The following RANBP17 variants were observed in gnomAD, a reference collection of about 807,000 sequenced individuals.
RANBP17 encodes the protein ran-binding protein 17.
RANBP17 carries 158 observed loss-of-function variants against 141.2 expected under a neutral mutation model. That is an observed-to-expected ratio of 1.12 (90% CI 0.98 to 1.28). RANBP17 has a LOEUF of 1.28. RANBP17 is among the 50% of genes most tolerant of loss of function. The pLI, the probability that RANBP17 is intolerant of heterozygous loss-of-function variation, is 0.00. For synonymous variants in RANBP17, 430 were observed against 450.0 expected, an observed-to-expected ratio of 0.96 and a Z score of 0.56; for missense variants, 1,438 against 1,290.7, an observed-to-expected ratio of 1.11 and a Z score of -1.75.
At chr5:170,868,172 A>G (rs1767427837) in intron 1 of RANBP17, among the ~76,000 whole-genome samples, 1 of 152,222 alleles carries the variant, frequency 6.6e-6, no homozygotes, top group African/African-American at 2.4e-5. Flanking sequence ...AATAATTTGG[A>G]AGATCCTTAT....
intron 25 of RANBP17, among the ~76,000 whole-genome samples, chr5:171,268,274 A>G (rs2128023407): frequency 6.6e-6 from 1 of 152,320 alleles, no homozygotes; most frequent in African/African-American, 2.4e-5. Context: ...GGGAGGGAGT[A>G]TTGTCAAAGA....
chr5:170,909,322 A>G (rs527485249), intron 5 of RANBP17, among the ~76,000 whole-genome samples: 1 of 151,958 alleles, frequency 6.6e-6, no homozygotes, highest in East Asian at 1.9e-4. Context: ...TAGAATTTGG[A>G]GATTATCTTG....
In RANBP17 at chr5:170,978,704, A is replaced by G. The variant is rs185187076; in HGVS notation, c.1710+10327A>G. The stretch of plus-strand genomic sequence containing the variant: ...GTCAGAATGGTGGTTACCTTTGGGT[A>G]GGGAGAATATTTTGACTGGGAAAGT... On this transcript the variant is annotated intron_variant, in intron 14 of 27. Coordinates refer to ENST00000523189, the MANE Select transcript of RANBP17 (RefSeq NM_022897.5). Among the ~76,000 whole-genome samples the G allele has an allele frequency of 9.6e-4, 146 of 152,296 alleles. 2 individuals are homozygous for G. Among genetic ancestry groups the G allele is most frequent in the African/African-American group, 3.4e-3 (141 of 41,576 alleles).
At chr5:170,908,864 T>G (rs1268075159) in intron 5 of RANBP17, among the ~76,000 whole-genome samples, 1 of 151,920 alleles carries the variant, frequency 6.6e-6, no homozygotes, top group Non-Finnish European at 1.5e-5. Flanking sequence ...CTTTCAGATC[T>G]ATAAACACTA....
chr5:171,256,835 C>G (rs532587927), intron 24 of RANBP17, among the ~76,000 whole-genome samples: 1 of 151,962 alleles, frequency 6.6e-6, no homozygotes, highest in African/African-American at 2.4e-5. Context: ...TGGAAACATA[C>G]AAGGTTCTGA....
chr5:171,009,334 C>G (rs554818882), intron 14 of RANBP17, among the ~76,000 whole-genome samples: 2 of 152,296 alleles, frequency 1.3e-5, no homozygotes, highest in South Asian at 4.1e-4. Flanking sequence ...TTCTCTAAAT[C>G]ATAGCTATTA....
At chr5:171,083,840 C>T (rs991152981) in intron 14 of RANBP17, among the ~76,000 whole-genome samples, 8 of 152,164 alleles carry the variant, frequency 5.3e-5, no homozygotes, top group African/African-American at 2.4e-5. Context: ...CCTCTCTTGC[C>T]TGCTGCCATG....
chr5:171,065,668 A>G (rs1238665506), intron 14 of RANBP17, among the ~76,000 whole-genome samples: 1 of 152,102 alleles, frequency 6.6e-6, no homozygotes, highest in Non-Finnish European at 1.5e-5. Context: ...CTAGATGTTT[A>G]TATGTAATTG....
At chr5:170,972,583 A>G (rs1022321019) in intron 14 of RANBP17, among the ~76,000 whole-genome samples, 9 of 152,294 alleles carry the variant, frequency 5.9e-5, no homozygotes, top group African/African-American at 1.9e-4. Context: ...GTGTATCACT[A>G]TGCCATTATA....
At chr5:171,182,969 G>T (rs1258451772) in intron 16 of RANBP17, among the ~76,000 whole-genome samples, 198 bp from the exon 17 acceptor site, 1 of 152,020 alleles carries the variant, frequency 6.6e-6, no homozygotes, top group Non-Finnish European at 1.5e-5. Flanking sequence ...ATATGTATAA[G>T]ATAGAAAAAG....
At chr5:170,882,111 G>A (rs1161484961) in intron 3 of RANBP17, among the ~76,000 whole-genome samples, 1 of 152,094 alleles carries the variant, frequency 6.6e-6, no homozygotes, top group Non-Finnish European at 1.5e-5. Flanking sequence ...TTGAGACAGA[G>A]TCTTGCTCTG....
At chr5:170,979,275 G>T (rs1328730679) in intron 14 of RANBP17, among the ~76,000 whole-genome samples, 2 of 152,108 alleles carry the variant, frequency 1.3e-5, no homozygotes, top group Non-Finnish European at 2.9e-5. Context: ...GTGTGCATGG[G>T]TGTTTATTAA....
chr5:171,028,637 T>C (rs1363927581), intron 14 of RANBP17, among the ~76,000 whole-genome samples: 1 of 152,204 alleles, frequency 6.6e-6, no homozygotes, highest in Non-Finnish European at 1.5e-5. Flanking sequence ...GATGTCATGA[T>C]CAATTGTGGT....
At chr5:171,006,923 A>G (rs1006177990) in intron 14 of RANBP17, among the ~76,000 whole-genome samples, 4 of 152,108 alleles carry the variant, frequency 2.6e-5, no homozygotes, top group South Asian at 2.1e-4. Context: ...AAGCCCTTCA[A>G]CTAGGCAGGA....
Position 171,089,014 on chromosome 5 carries a change from G to A in RANBP17, c.1711-81116G>A, listed in dbSNP as rs1291795856. Among the ~76,000 whole-genome samples, 82 of 151,958 alleles carry A rather than the reference G, an allele frequency of 5.4e-4. 1 individual carries two copies. The East Asian group carries it at 0.011, about 21-fold the overall frequency. ...TGTTCCGTTGCTGGTGAGGAACTGC[G>A]TTCCTTTGGAGGAGGAGAGGTGCTC... On this transcript the variant is annotated intron_variant, in intron 14 of 27. Transcript: ENST00000523189.
At chr5:171,018,837 T>C (rs1780637311) in intron 14 of RANBP17, among the ~76,000 whole-genome samples, 1 of 152,170 alleles carries the variant, frequency 6.6e-6, no homozygotes, top group African/African-American at 2.4e-5. Flanking sequence ...CTTGTGCCAG[T>C]CTTCAAAGGG....
At chr5:171,218,599 T>G (rs1763365368) in intron 21 of RANBP17, among the ~76,000 whole-genome samples, 1 of 152,158 alleles carries the variant, frequency 6.6e-6, no homozygotes, top group African/African-American at 2.4e-5. Context: ...CTGTATTGGG[T>G]GCATGTATAT....
At chr5:170,946,353 C>G (rs543016810) in intron 12 of RANBP17, among the ~76,000 whole-genome samples, 3 of 152,174 alleles carry the variant, frequency 2.0e-5, no homozygotes, top group African/African-American at 7.2e-5. Context: ...AAGAATGACT[C>G]CTACAGAGAG....
chr5:171,129,365 T>G (rs1756734123), intron 14 of RANBP17, among the ~76,000 whole-genome samples: 1 of 152,218 alleles, frequency 6.6e-6, no homozygotes, highest in South Asian at 2.1e-4. Flanking sequence ...ATATTTCAGA[T>G]AGCTAAGTTA....
Sources: allele counts gnomAD v4.1 joint callset (sites outside exome capture counted in the v4.1 genomes callset), GRCh38; gene constraint gnomAD v4.1.1; transcripts MANE v1.5; gene names NCBI Gene and HGNC (gene_info 2026-07-23, HGNC 2026-07-21).